The following NDC1 variants were observed in gnomAD, a reference collection of about 807,000 sequenced individuals.
NDC1 encodes the protein nucleoporin NDC1.
NDC1 carries 24 observed loss-of-function variants against 89.8 expected under a neutral mutation model. The observed-to-expected ratio is 0.27, with a 90% CI of 0.19 to 0.38. The LOEUF (loss-of-function observed/expected upper bound fraction) is 0.38, where lower values mean the gene tolerates loss of function less well. NDC1 is among the 10% of genes least tolerant of loss of function. NDC1 has a pLI of 1.00. For missense variants in NDC1, 728 were observed against 797.6 expected (o/e 0.91, Z 1.05); for synonymous variants, 296 against 284.8 (o/e 1.04, Z -0.39).
At chr1:53,828,491 GAAT>G (rs1374503687) in intron 3 of NDC1, among the ~76,000 whole-genome samples, 1 of 151,142 alleles carries the variant, frequency 6.6e-6, no homozygotes, top group East Asian at 1.9e-4. Flanking sequence ...CACCATAAAA[GAAT>G]AATGATTTTT....
chr1:53,798,753 C>T (rs1344225104), intron 11 of NDC1, among the ~76,000 whole-genome samples: 2 of 152,066 alleles, frequency 1.3e-5, no homozygotes, highest in East Asian at 3.9e-4. Context: ...CGGCGTTTCG[C>T]CATATTGGCC....
chr1:53,831,731 A>C (rs1649075213), intron 3 of NDC1, among the ~76,000 whole-genome samples: 1 of 152,052 alleles, frequency 6.6e-6, no homozygotes, highest in Admixed American at 6.6e-5. Flanking sequence ...AAAGCTTCTT[A>C]TTGTATCTTT....
chr1:53,814,297 G>A (rs1648408609), intron 6 of NDC1, among the ~76,000 whole-genome samples: 1 of 152,194 alleles, frequency 6.6e-6, no homozygotes, highest in African/African-American at 2.4e-5. Flanking sequence ...GGAGCTTGCA[G>A]TGAGTCAAGA....
chr1:53,823,731 T>G (rs1648747795), intron 5 of NDC1, among the ~76,000 whole-genome samples: 1 of 152,186 alleles, frequency 6.6e-6, no homozygotes, highest in African/African-American at 2.4e-5. Flanking sequence ...CTTGTGAAAT[T>G]TTGAGGTAGC....
At chr1:53,807,043 G>A (rs373639544) in intron 8 of NDC1, among the ~76,000 whole-genome samples, 3 of 151,738 alleles carry the variant, frequency 2.0e-5, no homozygotes, top group East Asian at 1.9e-4. Context: ...TCAGGAGTTC[G>A]GCACCAACCT....
At chr1:53,782,696 T>C (rs1647223296) in intron 16 of NDC1, among the ~76,000 whole-genome samples, 1 of 152,242 alleles carries the variant, frequency 6.6e-6, no homozygotes, top group African/African-American at 2.4e-5. Context: ...TTTACTAAGA[T>C]CTAATTAAAA....
intron 11 of NDC1, among the ~76,000 whole-genome samples, chr1:53,800,240 G>T (rs1647858083): frequency 6.6e-6 from 1 of 150,524 alleles, no homozygotes; most frequent in Admixed American, 6.6e-5. Context: ...TCATTTTCTT[G>T]GTTCAATATA....
chr1:53,789,299 G>A, intron 14 of NDC1, 103 bp from the exon 15 acceptor site: 1 of 633,708 alleles, frequency 1.6e-6, no homozygotes, highest in Non-Finnish European at 2.8e-6. Context: ...ATTCACAGCT[G>A]CCTCTCAAGA....
chr1:53,777,243 T>C (rs568642125), intron 16 of NDC1, among the ~76,000 whole-genome samples: 229 of 152,210 alleles, frequency 1.5e-3, no homozygotes, highest in Non-Finnish European at 2.3e-3. Flanking sequence ...AAGCTGGTCT[T>C]GAACTCCTGG....
chr1:53,805,713 G>A (rs929492644), intron 9 of NDC1, among the ~76,000 whole-genome samples: 6 of 152,184 alleles, frequency 3.9e-5, no homozygotes, highest in East Asian at 1.9e-4. Context: ...ATTTCTAAGC[G>A]CTATTTTTGA....
At chr1:53,789,783 GA>G (rs1647423825) in intron 14 of NDC1, among the ~76,000 whole-genome samples, 1 of 143,102 alleles carries the variant, frequency 7.0e-6, no homozygotes, top group South Asian at 2.2e-4. Flanking sequence ...TGGGCAACAA[GA>G]GTGAAACTCC....
chr1:53,825,300 AC>A (rs1648812026), intron 5 of NDC1, among the ~76,000 whole-genome samples: 1 of 151,812 alleles, frequency 6.6e-6, no homozygotes. Flanking sequence ...ATATGGTGAA[AC>A]CCCGTCACTA....
At chr1:53,793,359 G>T in intron 13 of NDC1, 80 bp from the exon 14 acceptor site, 1 of 1,147,600 alleles carries the variant, frequency 8.7e-7, no homozygotes, top group Non-Finnish European at 1.3e-6. Flanking sequence ...AGTTCTTCCA[G>T]ACAGTAACTT....
At chr1:53,789,068 T>C in intron 15 of NDC1, 65 bp downstream of exon 15, 1 of 1,078,116 alleles carries the variant, frequency 9.3e-7, no homozygotes, top group African/African-American at 1.6e-5. Flanking sequence ...TGACCTTTCA[T>C]GAATTATACT....
intron 4 of NDC1, among the ~76,000 whole-genome samples, chr1:53,826,986 A>T (rs1033014968): frequency 6.6e-6 from 1 of 152,148 alleles, no homozygotes; most frequent in Non-Finnish European, 1.5e-5. Flanking sequence ...CTCCATTAGG[A>T]AGAGAAGTGC....
intron 9 of NDC1, among the ~76,000 whole-genome samples, chr1:53,805,966 C>T (rs995135773): frequency 4.6e-5 from 7 of 151,976 alleles, no homozygotes; most frequent in South Asian, 2.1e-4. Context: ...CCCAGCTACA[C>T]GGGAGGCTGA....
chr1:53,816,553 G>A (rs1454010057), intron 6 of NDC1, among the ~76,000 whole-genome samples: 3 of 150,716 alleles, frequency 2.0e-5, no homozygotes, highest in Admixed American at 6.6e-5. Flanking sequence ...AGGATTTCAC[G>A]ACCAAAAGCC....
intron 9 of NDC1, 66 bp from the exon 10 acceptor site, chr1:53,804,075 G>A: frequency 8.8e-7 from 1 of 1,142,676 alleles, no homozygotes; most frequent in Non-Finnish European, 1.3e-6. Flanking sequence ...CTCACTAATT[G>A]GGTTCATCAT....
At chr1:53,824,896 A>G (rs1476462094) in intron 5 of NDC1, among the ~76,000 whole-genome samples, 1 of 152,214 alleles carries the variant, frequency 6.6e-6, no homozygotes, top group Non-Finnish European at 1.5e-5. Context: ...CCAGCAGGCC[A>G]TCCACGATGG....
Sources: gnomAD v4.1 joint callset for allele counts (sites outside exome capture counted in the v4.1 genomes callset) on GRCh38, gnomAD v4.1.1 for gene constraint, MANE v1.5 for transcripts, NCBI Gene and HGNC (gene_info 2026-07-23, HGNC 2026-07-21) for gene names.